SLC1A2: variants seen among roughly 807,000 people sequenced by gnomAD.
SLC1A2 encodes the protein solute carrier family 1 member 2, also known as excitatory amino acid transporter 2.
A neutral mutation model predicts 48.8 loss-of-function variants in SLC1A2; 15 were observed. That is an observed-to-expected ratio of 0.31 (90% confidence interval 0.21 to 0.47). The LOEUF (loss-of-function observed/expected upper bound fraction) is 0.47, where lower values mean the gene tolerates loss of function less well. Among genes scored for constraint, SLC1A2 ranks in the 20% least tolerant of loss-of-function variants. The pLI is 0.99. For synonymous variants in SLC1A2, 279 were observed against 272.6 expected (o/e 1.02, Z -0.23); for missense variants, 502 against 730.5 (o/e 0.69, Z 3.61).
At chr11:35,271,362 G>A (rs150281814) in intron 9 of SLC1A2, among the ~76,000 whole-genome samples, 4 of 152,320 alleles carry the variant, frequency 2.6e-5, no homozygotes, top group Non-Finnish European at 5.9e-5. Flanking sequence ...GGATGCCACC[G>A]AGGTGCTTAA....
rs1950275960 is a variant in SLC1A2, at chr11:35,253,841, A to G, written c.*7053T>C. ...ATATGTCTGCAAAATTACAGATACT[A>G]AATAGATTAATTCAGTCTACACTGA... On this transcript the variant is annotated 3_prime_UTR_variant, in exon 11 of 11. Coordinates refer to ENST00000278379, the MANE Select transcript of SLC1A2 (RefSeq NM_004171.4). 1 of 152,700 alleles carries G rather than the reference A, an allele frequency of 6.5e-6. No homozygotes were observed. The highest frequency in any genetic ancestry group is 2.4e-5 in the African/African-American group (1 of 41,478). The allele number at this position is 152,700 out of a possible 1,614,324, so 9.5% of individuals were successfully genotyped here.
intron 1 of SLC1A2, among the ~76,000 whole-genome samples, chr11:35,382,161 G>A (rs1336098569): frequency 6.6e-6 from 1 of 152,180 alleles, no homozygotes; most frequent in Admixed American, 6.5e-5. Context: ...GTTCCTACAA[G>A]GCCCGTGGTA....
At chr11:35,264,848 AAGG>A (rs1373826186) in intron 10 of SLC1A2, 2 of 152,190 alleles carry the variant, frequency 1.3e-5, no homozygotes, top group East Asian at 3.9e-4. Flanking sequence ...GATATATAGC[AAGG>A]AGGACTACTT....
In SLC1A2 at chr11:35,259,488, A is replaced by G. The variant is rs1950363128; in HGVS notation, c.*1406T>C. The G allele has an allele frequency of 6.6e-6, 1 of 152,562 alleles. No homozygotes were observed. The highest frequency in any genetic ancestry group is 2.4e-5 in the African/African-American group (1 of 41,458). The allele number at this position is 152,562 out of a possible 1,614,324, so 9.5% of individuals were successfully genotyped here. ...TTAAAAATTTTAGCTTGCATTACCA[A>G]TCATTAAGGATTTGTTGGCTGCCTA... On this transcript the variant is annotated 3_prime_UTR_variant, in exon 11 of 11. Coordinates refer to ENST00000278379, the MANE Select transcript of SLC1A2 (RefSeq NM_004171.4).
chr11:35,264,302 A>G (rs1950443782), intron 10 of SLC1A2, among the ~76,000 whole-genome samples: 1 of 152,224 alleles, frequency 6.6e-6, no homozygotes, highest in Non-Finnish European at 1.5e-5. Flanking sequence ...AGCAAGAGCC[A>G]CAGTATGTAT....
chr11:35,375,190 C>A (rs1854185516), intron 1 of SLC1A2, among the ~76,000 whole-genome samples: 1 of 152,298 alleles, frequency 6.6e-6, no homozygotes, highest in East Asian at 1.9e-4. Context: ...TAGTGCCCTG[C>A]AGAGAATAAA....
intron 9 of SLC1A2, among the ~76,000 whole-genome samples, chr11:35,276,072 T>C (rs1850431271): frequency 6.6e-6 from 1 of 152,224 alleles, no homozygotes; most frequent in African/African-American, 2.4e-5. Context: ...GGAATGCTCG[T>C]GCTTATTTGT....
chr11:35,386,724 TC>T (rs1854594802), intron 1 of SLC1A2, among the ~76,000 whole-genome samples: 1 of 152,152 alleles, frequency 6.6e-6, no homozygotes, highest in South Asian at 2.1e-4. Context: ...GTCAGGAACT[TC>T]TTCATATAGT....
chr11:35,400,402 T>A (rs1855098625), intron 1 of SLC1A2, among the ~76,000 whole-genome samples: 1 of 152,174 alleles, frequency 6.6e-6, no homozygotes, highest in South Asian at 2.1e-4. Flanking sequence ...GTTGCAAAAA[T>A]CTGTAGGTTA....
At chr11:35,382,655 G>A (rs1429346042) in intron 1 of SLC1A2, among the ~76,000 whole-genome samples, 1 of 152,196 alleles carries the variant, frequency 6.6e-6, no homozygotes, top group Non-Finnish European at 1.5e-5. Flanking sequence ...AATTAGCTGG[G>A]CGTGGTGGCA....
At chr11:35,355,264 C>T (rs7124645) in intron 1 of SLC1A2, among the ~76,000 whole-genome samples, 3,859 of 152,210 alleles carry the variant, frequency 0.025, 137 homozygotes, top group East Asian at 0.097. Context: ...AAAGGTAAGA[C>T]GGTCTGTGAA....
At chr11:35,269,691 C>T (rs571991825) in intron 9 of SLC1A2, among the ~76,000 whole-genome samples, 11 of 152,302 alleles carry the variant, frequency 7.2e-5, no homozygotes, top group South Asian at 4.1e-4. Flanking sequence ...AAGTTTTCCC[C>T]ACATTTTTTC....
At chr11:35,408,508 C>T (rs536290200) in intron 1 of SLC1A2, among the ~76,000 whole-genome samples, 25 of 152,254 alleles carry the variant, frequency 1.6e-4, no homozygotes, top group African/African-American at 5.8e-4. Context: ...CTCTTGCTGC[C>T]GCCATGTAAG....
intron 1 of SLC1A2, among the ~76,000 whole-genome samples, chr11:35,381,561 C>G (rs1203483928): frequency 6.6e-6 from 1 of 151,966 alleles, no homozygotes; most frequent in Non-Finnish European, 1.5e-5. Context: ...GAGTTTGAGT[C>G]CCACCAAGAA....
At chr11:35,314,931 A>T in intron 3 of SLC1A2, 92 bp downstream of exon 3, 2 of 885,340 alleles carry the variant, frequency 2.3e-6, no homozygotes, top group Non-Finnish European at 3.7e-6. Flanking sequence ...AGACGATCAC[A>T]TTCACTCAAC....
At chr11:35,407,863 C>T (rs1474091565) in intron 1 of SLC1A2, among the ~76,000 whole-genome samples, 1 of 152,206 alleles carries the variant, frequency 6.6e-6, no homozygotes, top group Non-Finnish European at 1.5e-5. Flanking sequence ...CTTCTCTTAG[C>T]CCAGTTCTTT....
chr11:35,302,466 A>T (rs1376126944), intron 5 of SLC1A2, among the ~76,000 whole-genome samples: 1 of 152,178 alleles, frequency 6.6e-6, no homozygotes, highest in Non-Finnish European at 1.5e-5. Flanking sequence ...ATCTAAGTCC[A>T]GCCTCACATC....
In SLC1A2 at chr11:35,265,310, A is replaced by C. The variant is rs527355025; in HGVS notation, c.1653+217T>G. On this transcript the variant is annotated intron_variant, in intron 10 of 10. Coordinates refer to ENST00000278379, the MANE Select transcript of SLC1A2 (RefSeq NM_004171.4). ...TTCACATCACATGGACGAAATAAGC[A>C]ACTGATTGACTCTTTCTCCATCAGA... is the stretch of plus-strand genomic sequence containing the variant. 1.7e-4 allele frequency: 95 copies of C among 557,470 alleles called. 2 individuals carry two copies. Among genetic ancestry groups the C allele is most frequent in the South Asian group, 5.7e-4 (22 of 38,568 alleles). The allele number at this position is 557,470 out of a possible 1,614,324, so 34.5% of individuals were successfully genotyped here.
chr11:35,269,375 A>G (rs1378430930), intron 9 of SLC1A2, among the ~76,000 whole-genome samples: 4 of 152,238 alleles, frequency 2.6e-5, no homozygotes, highest in African/African-American at 4.8e-5. Context: ...CATGTAGCCA[A>G]AATAACTATT....
Sources: allele counts gnomAD v4.1 joint callset (sites outside exome capture counted in the v4.1 genomes callset), GRCh38; gene constraint gnomAD v4.1.1; transcripts MANE v1.5; gene names NCBI Gene and HGNC (gene_info 2026-07-23, HGNC 2026-07-21).